PCDH15: variants seen among roughly 807,000 people sequenced by gnomAD.
PCDH15 encodes the protein protocadherin-15.
In PCDH15, 129 loss-of-function variants were observed where a neutral mutation model predicts 178.5. That is an observed-to-expected ratio of 0.72 (90% CI 0.63 to 0.84). The LOEUF (loss-of-function observed/expected upper bound fraction) is 0.84, where lower values mean the gene tolerates loss of function less well. PCDH15 is among the 40% of genes least tolerant of loss of function. The pLI, the probability that PCDH15 is intolerant of heterozygous loss-of-function variation, is 0.00. For synonymous variants in PCDH15, 800 were observed against 732.0 expected (o/e 1.09, Z -1.50); for missense variants, 2,230 against 2,099.9 (o/e 1.06, Z -1.21).
chr10:55,552,392 G>A (rs1842018638), intron 2 of PCDH15, among the ~76,000 whole-genome samples: 2 of 151,498 alleles, frequency 1.3e-5, no homozygotes, highest in African/African-American at 2.4e-5. Context: ...GGTACTGCCA[G>A]TATTTTTGCA....
intron 1 of PCDH15, among the ~76,000 whole-genome samples, 155 bp from the exon 2 acceptor site, chr10:54,664,445 A>G (rs1393248990): frequency 6.6e-6 from 1 of 152,068 alleles, no homozygotes; most frequent in Non-Finnish European, 1.5e-5. Flanking sequence ...GGTTTAATGC[A>G]CTGGAACTGT....
intron 2 of PCDH15, among the ~76,000 whole-genome samples, chr10:55,044,038 T>C (rs1840936210): frequency 6.6e-6 from 1 of 152,136 alleles, no homozygotes; most frequent in Non-Finnish European, 1.5e-5. Context: ...CCACTATCCA[T>C]CAGCTAAGAT....
chr10:54,135,476 C>A (rs371073330), intron 14 of PCDH15, among the ~76,000 whole-genome samples: 14 of 152,172 alleles, frequency 9.2e-5, no homozygotes, highest in African/African-American at 2.9e-4. Flanking sequence ...TTGTATACTG[C>A]AAAGATTCCC....
chr10:54,213,886 C>A, intron 10 of PCDH15, 50 bp downstream of exon 10: 1 of 1,182,924 alleles, frequency 8.5e-7, no homozygotes, highest in Non-Finnish European at 1.3e-6. Context: ...ACAGATTTAT[C>A]TGATTAGCAG....
rs727503367 is a variant in PCDH15 at position 54,317,338 on chromosome 10, A to C, written c.809T>G (p.Leu270Arg). ...DLGPMFLPCVLVPNTRDCRPL... is the reference protein window; with the variant it reads ...DLGPMFLPCVRVPNTRDCRPL... ...ACGGCAATCACGAGTGTTTGGCACAAGGACACAAGGAAGAAACATTGGACC... is the reference window on the plus strand; with the variant it reads ...ACGGCAATCACGAGTGTTTGGCACACGGACACAAGGAAGAAACATTGGACC... The change falls in exon 8 of 38, where the codon CTT (leucine) becomes CGT (arginine). Residue 270 changes from leucine (L) to arginine (R), a missense_variant. Physicochemically the swap from Leu to Arg is moderately radical, Grantham distance 102. Transcript: ENST00000644397. 3.1e-5 allele frequency: 50 copies of C among 1,613,930 alleles called. No individual in the cohort carries two copies. Among genetic ancestry groups the C allele is most frequent in the Non-Finnish European group, 4.2e-5 (49 of 1,179,952 alleles).
intron 17 of PCDH15, among the ~76,000 whole-genome samples, chr10:54,078,448 T>A (rs2094380692): frequency 6.6e-6 from 1 of 152,136 alleles, no homozygotes; most frequent in East Asian, 1.9e-4. Flanking sequence ...TCAGCCAATG[T>A]AGTATATAGA....
chr10:54,545,383 G>A (rs949287780), intron 2 of PCDH15, among the ~76,000 whole-genome samples: 2 of 152,022 alleles, frequency 1.3e-5, no homozygotes, highest in Non-Finnish European at 2.9e-5. Context: ...TGTATCCATG[G>A]AACTTATAAC....
In PCDH15 at chr10:54,980,919, C is replaced by T. The variant is rs189041800; in HGVS notation, c.-79-83419G>A. On this transcript the variant is annotated intron_variant, in intron 2 of 5. Transcript: ENST00000458638. Reference sequence around the variant, plus strand: ...TCTACCTGATTTTCATAGAAAATTGCTCACAGAAAGAAAGTGAACTTTCTT... The same window carrying T: ...TCTACCTGATTTTCATAGAAAATTGTTCACAGAAAGAAAGTGAACTTTCTT... Among the ~76,000 whole-genome samples the T allele has an allele frequency of 1.4e-4, 22 of 151,786 alleles. No homozygotes were observed. In the East Asian group the frequency reaches 3.5e-3, roughly 24 times the overall value.
rs141239845 is a variant in PCDH15, at chr10:54,675,306, A to T, written c.-28-11016T>A. Among the ~76,000 whole-genome samples, 209 of 151,746 alleles carry T rather than the reference A, an allele frequency of 1.4e-3. 3 individuals are homozygous for T. Among genetic ancestry groups the T allele is most frequent in the African/African-American group, 4.9e-3 (201 of 41,412 alleles). ...ATAAGTTGTTATATGTCCCTTGGGG[A>T]TGGGGATTATTTTAGGAATACTTTA... On this transcript the variant is annotated intron_variant, in intron 1 of 37. Coordinates refer to ENST00000644397, the MANE Select transcript of PCDH15 (RefSeq NM_001384140.1).
At chr10:55,102,891 T>G (rs1175988193) in intron 2 of PCDH15, among the ~76,000 whole-genome samples, 1 of 152,030 alleles carries the variant, frequency 6.6e-6, no homozygotes, top group Non-Finnish European at 1.5e-5. Context: ...AAAGAAGAAA[T>G]GTATTTACTA....
intron 25 of PCDH15, among the ~76,000 whole-genome samples, chr10:53,937,019 A>G (rs1480603732): frequency 2.6e-5 from 4 of 152,172 alleles, no homozygotes; most frequent in Non-Finnish European, 5.9e-5. Context: ...GTTAATAACA[A>G]TATTCAAAGA....
intron 8 of PCDH15, among the ~76,000 whole-genome samples, chr10:54,301,680 G>A (rs2060158510): frequency 6.6e-6 from 1 of 152,112 alleles, no homozygotes; most frequent in Non-Finnish European, 1.5e-5. Context: ...GCTTCCAGGT[G>A]ATGAATTTGT....
chr10:55,624,959 TC>T (rs1837492731), intron 2 of PCDH15, among the ~76,000 whole-genome samples: 1 of 152,126 alleles, frequency 6.6e-6, no homozygotes, highest in African/African-American at 2.4e-5. Flanking sequence ...TTGTGTAATT[TC>T]GTGAAAGTGA....
chr10:54,828,327 AT>A (rs1339889138), intron 3 of PCDH15, among the ~76,000 whole-genome samples: 27 of 152,128 alleles, frequency 1.8e-4, no homozygotes, highest in African/African-American at 6.3e-4. Context: ...TAAATGGTGG[AT>A]CCAAAATGAA....
chr10:54,429,771 T>C (rs1159263010), intron 3 of PCDH15, among the ~76,000 whole-genome samples: 2 of 152,036 alleles, frequency 1.3e-5, no homozygotes, highest in Non-Finnish European at 2.9e-5. Flanking sequence ...AAGAAGCCAA[T>C]TCAGCAAGAG....
Position 54,325,182 on chromosome 10 carries a change from T to C in PCDH15, c.705+4414A>G, listed in dbSNP as rs1348755695. 2.0e-5 allele frequency among the ~76,000 whole-genome samples: 3 copies of C among 152,046 alleles called. No homozygotes were observed. In the East Asian group the frequency reaches 5.8e-4, roughly 29 times the overall value. Reference sequence around the variant, plus strand: ...AAAACTCAATTACCTTAATTACGGATCATAACATGTAAACACGGATAAAAA... The same window carrying C: ...AAAACTCAATTACCTTAATTACGGACCATAACATGTAAACACGGATAAAAA... On this transcript the variant is annotated intron_variant, in intron 7 of 37. Coordinates refer to ENST00000644397, the MANE Select transcript of PCDH15 (RefSeq NM_001384140.1).
intron 3 of PCDH15, among the ~76,000 whole-genome samples, chr10:54,490,311 G>A (rs147071350): frequency 0.018 from 2,741 of 152,008 alleles, 71 homozygotes; most frequent in African/African-American, 0.063. Context: ...TTAGATGGGC[G>A]TGGTGGCGGG....
intron 3 of PCDH15, among the ~76,000 whole-genome samples, chr10:54,524,438 T>C (rs1462534706): frequency 6.6e-6 from 1 of 152,154 alleles, no homozygotes; most frequent in Non-Finnish European, 1.5e-5. Context: ...TGAGAATTAG[T>C]TTGAATGAGT....
At chr10:54,363,140 AC>A (rs1286135692) in intron 5 of PCDH15, among the ~76,000 whole-genome samples, 1 of 152,114 alleles carries the variant, frequency 6.6e-6, no homozygotes, top group East Asian at 1.9e-4. Flanking sequence ...TGTGCCAGGC[AC>A]TGTTCTACTC....
Sources: gnomAD v4.1 joint callset for allele counts (sites outside exome capture counted in the v4.1 genomes callset) on GRCh38, gnomAD v4.1.1 for gene constraint, MANE v1.5 for transcripts, NCBI Gene and HGNC (gene_info 2026-07-23, HGNC 2026-07-21) for gene names.